TINAGL1: variants seen among roughly 807,000 people sequenced by gnomAD.
TINAGL1 encodes tubulointerstitial nephritis antigen like 1, also known as tubulointerstitial nephritis antigen-like.
In TINAGL1, 34 loss-of-function variants were observed where a neutral mutation model predicts 62.0. The observed-to-expected ratio is 0.55, with a 90% CI of 0.42 to 0.73. The LOEUF (loss-of-function observed/expected upper bound fraction) is 0.73. TINAGL1 is among the 30% of genes least tolerant of loss of function. TINAGL1 has a pLI of 0.00. For synonymous variants in TINAGL1, 221 were observed against 249.7 expected (o/e 0.88, Z 1.08); for missense variants, 516 against 653.2 (o/e 0.79, Z 2.29).
Position 31,584,518 on chromosome 1 carries a change from A to G in TINAGL1, c.583-160A>G, listed in dbSNP as rs1392943706. 8.3e-7 allele frequency: 1 copy of G among 1,200,620 alleles called. No homozygotes were observed. Among genetic ancestry groups the G allele is most frequent in the Non-Finnish European group, 1.2e-6 (1 of 849,340 alleles). The allele number at this position is 1,200,620 out of a possible 1,614,324, so 74.4% of individuals were successfully genotyped here. On this transcript the variant is annotated intron_variant, in intron 5 of 11. Coordinates refer to ENST00000271064, the MANE Select transcript of TINAGL1 (RefSeq NM_022164.3). This position sits in a 1 kb window ranked among gnomAD's most constrained non-coding sequence, Gnocchi z 4.0. The stretch of plus-strand genomic sequence containing the variant: ...ACTAAATGGTGCTTGGTTCTTCAAC[A>G]CAAGTCAAAATTGGAGGCAGCTGGA...
At chr1:31,580,590 G>A in intron 3 of TINAGL1, 6 of 1,289,264 alleles carry the variant, frequency 4.7e-6, no homozygotes, top group Non-Finnish European at 6.1e-6. Flanking sequence ...GCCCTCCCCA[G>A]CAGTGCCCCC....
In TINAGL1 at chr1:31,587,215, G is replaced by A; in HGVS notation, c.*236G>A. On this transcript the variant is annotated 3_prime_UTR_variant, in exon 12 of 12. Coordinates refer to ENST00000271064, the MANE Select transcript of TINAGL1 (RefSeq NM_022164.3). ...TGGGGACGGGGCAGGGCCTGGCCTG[G>A]GAAGAGCACAGCTGCAGATCCCAGG... 1 of 484,360 alleles carries A rather than the reference G, an allele frequency of 2.1e-6. No individual in the cohort carries two copies. The highest frequency in any genetic ancestry group is 3.2e-6 in the Non-Finnish European group (1 of 310,646). 30.0% of individuals were successfully genotyped at this position (484,360 alleles called of 1,614,324 possible).
chr1:31,580,675 G>T (rs1280454664), intron 3 of TINAGL1: 2 of 1,288,234 alleles, frequency 1.6e-6, no homozygotes, highest in Non-Finnish European at 2.0e-6. Flanking sequence ...GGCAACATTG[G>T]AGGTGGGAGC....
Position 31,577,507 on chromosome 1 carries a change from C to A in TINAGL1, c.310+49C>A, listed in dbSNP as rs779548036. 1.3e-6 allele frequency: 2 copies of A among 1,546,864 alleles called. No homozygotes were observed. The highest frequency in any genetic ancestry group is 8.8e-7 in the Non-Finnish European group (1 of 1,141,620). On this transcript the variant is annotated intron_variant, in intron 2 of 11. Transcript: ENST00000271064. This position sits in a 1 kb window ranked among gnomAD's most constrained non-coding sequence, Gnocchi z 5.4. ...GGTGGGTCACTTTGTCCACCTCAGA[C>A]TCAGCAAGGCTCAAGAGCAAAGCTG...
In TINAGL1 at chr1:31,585,223, G is replaced by T; in HGVS notation, c.930G>T (p.Met310Ile). ...AGGCTGGCCCTGCGCCCCCCTGTAT[G>T]ATGCACAGCCGAGCCATGGGTCGGG... Reference protein sequence around the residue: ...RDEAGPAPPCMMHSRAMGRGK... With the variant: ...RDEAGPAPPCIMHSRAMGRGK... Residue 310 changes from methionine (M) to isoleucine (I), a missense_variant, in exon 8 of 12, where the codon ATG (methionine) becomes ATT (isoleucine). Coordinates refer to ENST00000271064, the MANE Select transcript of TINAGL1 (RefSeq NM_022164.3). This position sits in a 1 kb window ranked among gnomAD's most constrained non-coding sequence, Gnocchi z 4.3. The T allele has an allele frequency of 6.2e-7, 1 of 1,613,338 alleles. No homozygotes were observed. Among genetic ancestry groups the T allele is most frequent in the Non-Finnish European group, 8.5e-7 (1 of 1,179,636 alleles).
chr1:31,583,320 A>T lies in TINAGL1; in HGVS notation c.467+79A>T, dbSNP rs1042944126. The stretch of plus-strand genomic sequence containing the variant: ...ATACACGCATGCTGTGCTGTGGGGC[A>T]CGTCCAGCAGGCCACTCCTACACCC... On this transcript the variant is annotated intron_variant, in intron 4 of 11. Coordinates refer to ENST00000271064, the MANE Select transcript of TINAGL1 (RefSeq NM_022164.3). This position sits in a 1 kb window ranked among gnomAD's most constrained non-coding sequence, Gnocchi z 4.4. 6.5e-7 allele frequency: 1 copy of T among 1,533,188 alleles called. No individual in the cohort carries two copies. Among genetic ancestry groups the T allele is most frequent in the Non-Finnish European group, 9.0e-7 (1 of 1,110,268 alleles). 95.0% of individuals were successfully genotyped at this position (1,533,188 alleles called of 1,614,324 possible). A position where few individuals can be genotyped will look rare whatever the true frequency, so the allele number is the denominator to read the frequency against.
rs1193112044 is a variant in TINAGL1 at position 31,584,446 on chromosome 1, T to G, written c.583-232T>G. 1.2e-5 allele frequency: 7 copies of G among 572,690 alleles called. No homozygotes were observed. Among genetic ancestry groups the G allele is most frequent in the Non-Finnish European group, 2.2e-5 (7 of 321,972 alleles). The allele number at this position is 572,690 out of a possible 1,614,324, so 35.5% of individuals were successfully genotyped here. A position where few individuals can be genotyped will look rare whatever the true frequency, so the allele number is the denominator to read the frequency against. On this transcript the variant is annotated intron_variant, in intron 5 of 11. Transcript: ENST00000271064. The surrounding 1 kb of genome is among the most constrained non-coding windows in gnomAD (Gnocchi z 4.0). ...TGCCTCATCTGGGAAGCAGGACTAG[T>G]CACCACCGCCACCCCGCCCCGCCCC... is the stretch of plus-strand genomic sequence containing the variant.
chr1:31,586,860 C>A lies in TINAGL1; in HGVS notation c.1285C>A (p.Pro429Thr). ...KYWTAANSWG[P>T]AWGERGHFRI... Reference sequence around the variant, plus strand: ...CCAGACTGCGGCCAACTCCTGGGGCCCAGCCTGGGGCGAGAGGGGCCACTT... The same window carrying A: ...CCAGACTGCGGCCAACTCCTGGGGCACAGCCTGGGGCGAGAGGGGCCACTT... The change falls in exon 12 of 12, where the codon CCA becomes ACA. Residue 429 changes from proline (P) to threonine (T), a missense_variant. Coordinates refer to ENST00000271064, the MANE Select transcript of TINAGL1 (RefSeq NM_022164.3). 1 of 1,550,900 alleles carries A rather than the reference C, an allele frequency of 6.4e-7. No homozygotes were observed. Among genetic ancestry groups the A allele is most frequent in the East Asian group, 2.3e-5 (1 of 42,846 alleles).
At position 31,583,232 on chromosome 1, in the gene TINAGL1, GC is replaced by G; in HGVS notation, c.459del (p.Asn154ThrfsTer15). On this transcript the variant is annotated frameshift_variant, in exon 4 of 12. Transcript: ENST00000271064. LOFTEE classifies it high-confidence loss of function. The surrounding 1 kb of genome is among the most constrained non-coding windows in gnomAD (Gnocchi z 4.4). ...GACATGATCAAAGCCATCAACCAGGGCAACTATGGGTGAGAGGCCCTAGAGG... is the reference window on the plus strand; with the variant it reads ...GACATGATCAAAGCCATCAACCAGGGAACTATGGGTGAGAGGCCCTAGAGG... ...DPDMIKAINQ[G>X]NYGWQAGNHS... The G allele has an allele frequency of 6.2e-7, 1 of 1,614,148 alleles. No homozygotes were observed.
chr1:31,580,804 T>C (rs1570206306), intron 3 of TINAGL1: 1 of 1,196,596 alleles, frequency 8.4e-7, no homozygotes, highest in African/African-American at 1.6e-5. Context: ...ATTAAAGACC[T>C]ACTGCGTGAC....
chr1:31,587,115 G>A lies in TINAGL1; in HGVS notation c.*136G>A. ...CGGGCGCCAGGGCGCTAATCCCGGC[G>A]CGGGTTCCGCTGACGCAGCGCCCCG... On this transcript the variant is annotated 3_prime_UTR_variant, in exon 12 of 12. Coordinates refer to ENST00000271064, the MANE Select transcript of TINAGL1 (RefSeq NM_022164.3). 7.9e-7 allele frequency: 1 copy of A among 1,266,292 alleles called. No homozygotes were observed. The highest frequency in any genetic ancestry group is 1.0e-6 in the Non-Finnish European group (1 of 998,940). The allele number at this position is 1,266,292 out of a possible 1,614,324, so 78.4% of individuals were successfully genotyped here.
At position 31,577,249 on chromosome 1, in the gene TINAGL1, G is replaced by C; in HGVS notation, c.101G>C (p.Gly34Ala). The change falls in exon 2 of 12, where the codon GGT becomes GCT. Residue 34 changes from glycine (G) to alanine (A), a missense_variant. Coordinates refer to ENST00000271064, the MANE Select transcript of TINAGL1 (RefSeq NM_022164.3). The surrounding 1 kb of genome is among the most constrained non-coding windows in gnomAD (Gnocchi z 5.4). ...QGRGRRELAP[G>A]LHLRGIRDAG... ...CGTGGGCGCCGGGAGCTAGCACCGG[G>C]TCTGCACCTGCGGGGCATCCGGGAC... 6.2e-7 allele frequency: 1 copy of C among 1,610,344 alleles called. No homozygotes were observed. The highest frequency in any genetic ancestry group is 1.1e-5 in the South Asian group (1 of 90,964).
Position 31,583,406 on chromosome 1 carries a change from C to G in TINAGL1, c.468-55C>G. The G allele has an allele frequency of 6.4e-7, 1 of 1,565,038 alleles. No individual in the cohort carries two copies. Among genetic ancestry groups the G allele is most frequent in the Non-Finnish European group, 8.7e-7 (1 of 1,145,156 alleles). On this transcript the variant is annotated intron_variant, in intron 4 of 11. Transcript: ENST00000271064. The surrounding 1 kb of genome is among the most constrained non-coding windows in gnomAD (Gnocchi z 4.4). ...CTCTCCCACCCACATGCACCCACGC[C>G]AAGGACCCTGAGCCTCGGCAGATCT...
rs763711987 is a variant in TINAGL1 at position 31,583,441 on chromosome 1, T to C, written c.468-20T>C. The C allele has an allele frequency of 4.3e-6, 7 of 1,609,434 alleles. No homozygotes were observed. Among genetic ancestry groups the C allele is most frequent in the Non-Finnish European group, 5.1e-6 (6 of 1,177,518 alleles). On this transcript the variant is annotated intron_variant, in intron 4 of 11. Coordinates refer to ENST00000271064, the MANE Select transcript of TINAGL1 (RefSeq NM_022164.3). This position sits in a 1 kb window ranked among gnomAD's most constrained non-coding sequence, Gnocchi z 4.4. ...GAGCCTCGGCAGATCTGTGACTTCC[T>C]TCCGTCCCCTCTCCTTCAGCTGGCA... is the stretch of plus-strand genomic sequence containing the variant.
chr1:31,583,250 C>T lies in TINAGL1; in HGVS notation c.467+9C>T. 6.2e-7 allele frequency: 1 copy of T among 1,613,748 alleles called. No homozygotes were observed. Among genetic ancestry groups the T allele is most frequent in the South Asian group, 1.1e-5 (1 of 91,076 alleles). On this transcript the variant is annotated intron_variant, in intron 4 of 11. Coordinates refer to ENST00000271064, the MANE Select transcript of TINAGL1 (RefSeq NM_022164.3). The surrounding 1 kb of genome is among the most constrained non-coding windows in gnomAD (Gnocchi z 4.4). Reference sequence around the variant, plus strand: ...AACCAGGGCAACTATGGGTGAGAGGCCCTAGAGGCACCCTCAGTGGGCACA... The same window carrying T: ...AACCAGGGCAACTATGGGTGAGAGGTCCTAGAGGCACCCTCAGTGGGCACA...
In TINAGL1 at chr1:31,584,342, G is replaced by T; in HGVS notation, c.583-336G>T. ...GAAGAAAGCTAAGGCCGATCAGAAG[G>T]TGCAGAGGAAAGAGGCAGGGGTTGA... On this transcript the variant is annotated intron_variant, in intron 5 of 11. Transcript: ENST00000271064. The surrounding 1 kb of genome is among the most constrained non-coding windows in gnomAD (Gnocchi z 4.0). 1 of 318,682 alleles carries T rather than the reference G, an allele frequency of 3.1e-6. No homozygotes were observed. Among genetic ancestry groups the T allele is most frequent in the Non-Finnish European group, 6.1e-6 (1 of 164,280 alleles). 19.7% of individuals were successfully genotyped at this position (318,682 alleles called of 1,614,324 possible).
Position 31,577,953 on chromosome 1 carries a change from T to C in TINAGL1, c.310+495T>C, listed in dbSNP as rs543042175. Among the ~76,000 whole-genome samples, 22 of 152,312 alleles carry C rather than the reference T, an allele frequency of 1.4e-4. No homozygotes were observed. Among genetic ancestry groups the C allele is most frequent in the African/African-American group, 5.1e-4 (21 of 41,572 alleles). On this transcript the variant is annotated intron_variant, in intron 2 of 11. Transcript: ENST00000271064. This position sits in a 1 kb window ranked among gnomAD's most constrained non-coding sequence, Gnocchi z 5.4. ...ACTTGCGTTCCTTCCCACAGTTCCA[T>C]GGGGCTTGGGCCGGCAGACTGCATA...
rs950234160 is a variant in TINAGL1 at position 31,587,216 on chromosome 1, G to A, written c.*237G>A. 1 of 476,510 alleles carries A rather than the reference G, an allele frequency of 2.1e-6. No individual in the cohort carries two copies. The highest frequency in any genetic ancestry group is 4.1e-5 in the East Asian group (1 of 24,668). 29.5% of individuals were successfully genotyped at this position (476,510 alleles called of 1,614,324 possible). Reference sequence around the variant, plus strand: ...GGGGACGGGGCAGGGCCTGGCCTGGGAAGAGCACAGCTGCAGATCCCAGGC... The same window carrying A: ...GGGGACGGGGCAGGGCCTGGCCTGGAAAGAGCACAGCTGCAGATCCCAGGC... On this transcript the variant is annotated 3_prime_UTR_variant, in exon 12 of 12. Transcript: ENST00000271064.
Position 31,585,479 on chromosome 1 carries a change from G to A in TINAGL1, c.1087G>A (p.Val363Ile). Residue 363 changes from valine (V) to isoleucine (I), a missense_variant, in exon 9 of 12, where the codon GTC (valine) becomes ATC (isoleucine). Transcript: ENST00000271064. This position sits in a 1 kb window ranked among gnomAD's most constrained non-coding sequence, Gnocchi z 4.3. Reference sequence around the variant, plus strand: ...GAAGGAGCTGATGGAGAATGGCCCTGTCCAAGGTAAACCCCCTTATCCAGC... The same window carrying A: ...GAAGGAGCTGATGGAGAATGGCCCTATCCAAGGTAAACCCCCTTATCCAGC... ...IMKELMENGP[V>I]QALMEVHEDF... is the part of the protein sequence containing the mutation. 1 of 1,614,198 alleles carries A rather than the reference G, an allele frequency of 6.2e-7. No homozygotes were observed. The highest frequency in any genetic ancestry group is 8.5e-7 in the Non-Finnish European group (1 of 1,180,022).
Sources: allele counts gnomAD v4.1 joint callset (sites outside exome capture counted in the v4.1 genomes callset), GRCh38; gene constraint gnomAD v4.1.1; non-coding constraint Gnocchi (gnomAD v3.1); transcripts MANE v1.5; gene names NCBI Gene and HGNC (gene_info 2026-07-23, HGNC 2026-07-21).